The following SLC17A6 variants were observed in gnomAD, a reference collection of about 807,000 sequenced individuals.
SLC17A6 encodes solute carrier family 17 member 6, also known as vesicular glutamate transporter 2.
A neutral mutation model predicts 67.1 loss-of-function variants in SLC17A6; 35 were observed. The observed-to-expected ratio is 0.52, with a 90% confidence interval of 0.40 to 0.69. SLC17A6 has a LOEUF of 0.69. SLC17A6 is among the 30% of genes least tolerant of loss of function. The pLI is 0.00. For missense variants in SLC17A6, 588 were observed against 723.9 expected, an observed-to-expected ratio of 0.81 and a Z score of 2.15; for synonymous variants, 285 against 252.3, an observed-to-expected ratio of 1.13 and a Z score of -1.23.
intron 9 of SLC17A6, among the ~76,000 whole-genome samples, chr11:22,375,135 G>A (rs913299845): frequency 6.6e-6 from 1 of 152,038 alleles, no homozygotes; most frequent in African/African-American, 2.4e-5. Context: ...CACTTTGGGA[G>A]GCCAAGGTGG....
At chr11:22,357,647 C>T (rs116178862) in intron 3 of SLC17A6, among the ~76,000 whole-genome samples, 1,626 of 152,178 alleles carry the variant, frequency 0.011, 28 homozygotes, top group African/African-American at 0.037. Flanking sequence ...ACGAGACAAT[C>T]GTATTTACAA....
chr11:22,364,064 A>C (rs1371511216), intron 6 of SLC17A6, among the ~76,000 whole-genome samples: 2 of 152,156 alleles, frequency 1.3e-5, no homozygotes, highest in East Asian at 3.8e-4. Context: ...TTTATCATTG[A>C]ATGATACAAA....
At chr11:22,361,261 G>A (rs543224105) in intron 5 of SLC17A6, 21 of 257,816 alleles carry the variant, frequency 8.1e-5, no homozygotes, top group Admixed American at 5.7e-4. Flanking sequence ...CTCTTATACT[G>A]CAGTCCATTT....
chr11:22,341,947 A>G (rs1177253600), intron 2 of SLC17A6, among the ~76,000 whole-genome samples, 167 bp downstream of exon 2: 1 of 152,210 alleles, frequency 6.6e-6, no homozygotes, highest in Non-Finnish European at 1.5e-5. Flanking sequence ...TAGTGTTATC[A>G]GTTCCCTTTT....
intron 1 of SLC17A6, among the ~76,000 whole-genome samples, chr11:22,340,753 G>T (rs1030926472): frequency 3.9e-5 from 6 of 151,928 alleles, no homozygotes; most frequent in Non-Finnish European, 5.9e-5. Flanking sequence ...TCTCCAACTC[G>T]AGTAATAAGA....
At chr11:22,340,044 C>T (rs916589994) in intron 1 of SLC17A6, among the ~76,000 whole-genome samples, 2 of 152,184 alleles carry the variant, frequency 1.3e-5, no homozygotes, top group Non-Finnish European at 2.9e-5. Context: ...TCTCCAGGTG[C>T]TACGTTATAG....
chr11:22,376,708 A>T, intron 11 of SLC17A6, 36 bp downstream of exon 11: 1 of 1,608,138 alleles, frequency 6.2e-7, no homozygotes, highest in Non-Finnish European at 8.5e-7. Flanking sequence ...GTCATAGAAG[A>T]CAGTTTCTCA....
chr11:22,374,870 A>G lies in SLC17A6; in HGVS notation c.1157A>G (p.Lys386Arg). Reference protein sequence around the residue: ...KQILSTTTVRKIMNCGGFGME... With the variant: ...KQILSTTTVRRIMNCGGFGME... ...ATTCTTTCAACTACGACAGTGAGAA[A>G]GATCATGAATTGTGGTGGTAAGTAC... The change falls in exon 9 of 12, where the codon AAG (lysine) becomes AGG (arginine). Residue 386 changes from lysine (K) to arginine (R), a missense_variant. Physicochemically the swap from Lys to Arg is conservative, Grantham distance 26. Coordinates refer to ENST00000263160, the MANE Select transcript of SLC17A6 (RefSeq NM_020346.3). 1 of 1,613,180 alleles carries G rather than the reference A, an allele frequency of 6.2e-7. No homozygotes were observed. The highest frequency in any genetic ancestry group is 8.5e-7 in the Non-Finnish European group (1 of 1,179,716).
chr11:22,355,732 T>C (rs1029778663), intron 3 of SLC17A6, among the ~76,000 whole-genome samples: 1 of 152,194 alleles, frequency 6.6e-6, no homozygotes. Context: ...TTTCAATACT[T>C]CCTTAGTTTC....
At position 22,378,858 on chromosome 11, in the gene SLC17A6, G is replaced by C. The variant is rs890133758; in HGVS notation, c.*1118G>C. ...AAATGGTCTCTCTCTATATATATCT[G>C]TATATCTTATACATGTCCATACACA... On this transcript the variant is annotated 3_prime_UTR_variant, in exon 12 of 12. Coordinates refer to ENST00000263160, the MANE Select transcript of SLC17A6 (RefSeq NM_020346.3). The C allele has an allele frequency of 3.9e-5, 6 of 151,990 alleles. No individual in the cohort carries two copies. The highest frequency in any genetic ancestry group is 1.4e-4 in the African/African-American group (6 of 41,402). 9.4% of individuals were successfully genotyped at this position (151,990 alleles called of 1,614,324 possible).
At position 22,376,600 on chromosome 11, in the gene SLC17A6, C is replaced by T; in HGVS notation, c.1341C>T (p.Gly447=). The change falls in exon 11 of 12, where the codon GGC becomes GGT. Residue 447 remains glycine, a synonymous_variant. Coordinates refer to ENST00000263160, the MANE Select transcript of SLC17A6 (RefSeq NM_020346.3). ...IAPRYASILM[G]ISNGVGTLSG... ...CAAGATATGCCAGTATCTTAATGGG[C>T]ATTTCGAATGGTGTTGGCACATTGT... The T allele has an allele frequency of 6.2e-7, 1 of 1,613,872 alleles. No homozygotes were observed. The highest frequency in any genetic ancestry group is 8.5e-7 in the Non-Finnish European group (1 of 1,179,868).
chr11:22,374,526 CAAA>C (rs11424894), intron 8 of SLC17A6, among the ~76,000 whole-genome samples: 62 of 147,916 alleles, frequency 4.2e-4, no homozygotes, highest in South Asian at 2.1e-3. Context: ...CATTACGTGG[CAAA>C]AAAAAAAAAA....
At chr11:22,374,639 T>G (rs550739659) in intron 8 of SLC17A6, 116 bp from the exon 9 acceptor site, 1 of 824,734 alleles carries the variant, frequency 1.2e-6, no homozygotes, top group South Asian at 2.7e-5. Flanking sequence ...TTGGAAAGAT[T>G]ATTTTTCCTT....
At chr11:22,354,930 G>T (rs1443841902) in intron 3 of SLC17A6, among the ~76,000 whole-genome samples, 1 of 152,160 alleles carries the variant, frequency 6.6e-6, no homozygotes, top group East Asian at 1.9e-4. Context: ...TCATAGTTAT[G>T]AATTTATTGT....
intron 1 of SLC17A6, among the ~76,000 whole-genome samples, chr11:22,339,151 A>ATGTTATATATATATGTTATATATAT (rs57725309): frequency 2.0e-4 from 6 of 29,798 alleles, no homozygotes; most frequent in Non-Finnish European, 1.7e-4. Flanking sequence ...TGTTATATAT[A>ATGTTATATATATATGTTATATATAT]GTTATATATA....
At chr11:22,375,320 C>T (rs567436429) in intron 9 of SLC17A6, among the ~76,000 whole-genome samples, 4 of 150,140 alleles carry the variant, frequency 2.7e-5, no homozygotes, top group African/African-American at 9.8e-5. Context: ...TGCAGTGAGC[C>T]GAGATCACAC....
chr11:22,365,471 G>A, intron 6 of SLC17A6, 76 bp from the exon 7 acceptor site: 1 of 1,430,614 alleles, frequency 7.0e-7, no homozygotes. Flanking sequence ...TGTTTGTCTT[G>A]AGATGATTGC....
intron 9 of SLC17A6, among the ~76,000 whole-genome samples, 189 bp downstream of exon 9, chr11:22,375,076 A>C (rs1379299527): frequency 3.3e-5 from 5 of 152,202 alleles, no homozygotes; most frequent in Non-Finnish European, 7.3e-5. Context: ...GTAACTGCTT[A>C]ATAATGCCAT....
chr11:22,349,296 G>A (rs991975587), intron 3 of SLC17A6, among the ~76,000 whole-genome samples: 2 of 152,172 alleles, frequency 1.3e-5, no homozygotes, highest in African/African-American at 4.8e-5. Context: ...TAAGGCCAGA[G>A]GTGACTTTTT....
Sources: allele counts gnomAD v4.1 joint callset (sites outside exome capture counted in the v4.1 genomes callset), GRCh38; gene constraint gnomAD v4.1.1; transcripts MANE v1.5; gene names NCBI Gene and HGNC (gene_info 2026-07-23, HGNC 2026-07-21).